The following TENM4 variants were observed in gnomAD, a reference collection of about 807,000 sequenced individuals.
TENM4 encodes teneurin-4.
A neutral mutation model predicts 243.3 loss-of-function variants in TENM4; 82 were observed. The ratio of observed to expected loss-of-function variants is 0.34; its 90% CI spans 0.28 to 0.40. The LOEUF is 0.40. TENM4 is among the 10% of genes least tolerant of loss of function. The pLI, the probability that TENM4 is intolerant of heterozygous loss-of-function variation, is 1.00. For missense variants in TENM4, 3,138 were observed against 3,673.3 expected, an observed-to-expected ratio of 0.85 and a Z score of 3.77; for synonymous variants, 1,412 against 1,456.3, an observed-to-expected ratio of 0.97 and a Z score of 0.69.
intron 4 of TENM4, among the ~76,000 whole-genome samples, chr11:79,118,652 C>T (rs1298841786): frequency 2.0e-5 from 3 of 152,182 alleles, no homozygotes; most frequent in African/African-American, 7.2e-5. Flanking sequence ...AATCATACAT[C>T]ATATGTCTTG....
intron 32 of TENM4, among the ~76,000 whole-genome samples, chr11:78,665,938 G>A (rs1286735402): frequency 1.3e-5 from 2 of 152,206 alleles, no homozygotes; most frequent in African/African-American, 4.8e-5. Context: ...AAGCCAATCA[G>A]TGCATTCTTT....
chr11:79,061,731 C>T (rs1860092521), intron 6 of TENM4, among the ~76,000 whole-genome samples: 1 of 152,176 alleles, frequency 6.6e-6, no homozygotes, highest in Non-Finnish European at 1.5e-5. Context: ...AGGGAACTCA[C>T]TGTAACTAGG....
chr11:79,009,925 G>A lies in TENM4; in HGVS notation c.493+54813C>T, dbSNP rs140307610. On this transcript the variant is annotated intron_variant, in intron 6 of 33. Coordinates refer to ENST00000278550, the MANE Select transcript of TENM4 (RefSeq NM_001098816.3). ...TGGGAGGTAATTCAGTCATGGGGGT[G>A]GGTTTTTCTCATGCTGTTCTTGTGA... is the stretch of plus-strand genomic sequence containing the variant. Among the ~76,000 whole-genome samples, 241 of 152,240 alleles carry A rather than the reference G, an allele frequency of 1.6e-3. 3 individuals are homozygous for A. The highest frequency in any genetic ancestry group is 1.7e-3 in the Non-Finnish European group (116 of 68,020).
At chr11:78,862,063 A>G (rs1159287587) in intron 10 of TENM4, among the ~76,000 whole-genome samples, 3 of 152,224 alleles carry the variant, frequency 2.0e-5, no homozygotes, top group Non-Finnish European at 2.9e-5. Context: ...CCCACTCAGG[A>G]ATAGCAAACC....
At chr11:78,850,075 G>C (rs1858499411) in intron 12 of TENM4, among the ~76,000 whole-genome samples, 1 of 152,020 alleles carries the variant, frequency 6.6e-6, no homozygotes, top group South Asian at 2.1e-4. Context: ...GTGTGTGTGT[G>C]TGTGTGTGTG....
intron 1 of TENM4, among the ~76,000 whole-genome samples, chr11:79,315,026 T>C (rs546288490): frequency 5.9e-4 from 90 of 152,360 alleles, no homozygotes; most frequent in African/African-American, 2.1e-3. Context: ...TAAAGAGTTA[T>C]GCACAGAGGG....
At chr11:78,915,610 T>C (rs1489068467) in intron 6 of TENM4, among the ~76,000 whole-genome samples, 1 of 152,022 alleles carries the variant, frequency 6.6e-6, no homozygotes, top group Non-Finnish European at 1.5e-5. Flanking sequence ...GGGCATAAAC[T>C]TTTTATTTTT....
intron 6 of TENM4, among the ~76,000 whole-genome samples, chr11:79,008,383 T>C (rs185455910): frequency 1.3e-5 from 2 of 152,162 alleles, no homozygotes; most frequent in African/African-American, 4.8e-5. Context: ...TTTAGAAACA[T>C]GTATTTTAAA....
intron 1 of TENM4, among the ~76,000 whole-genome samples, chr11:79,367,979 A>G (rs1857708926): frequency 6.6e-6 from 1 of 152,230 alleles, no homozygotes; most frequent in South Asian, 2.1e-4. Context: ...TGACTAAAGC[A>G]GGTGGAGGCT....
chr11:78,863,980 A>G (rs1201457204), intron 9 of TENM4, among the ~76,000 whole-genome samples: 2 of 152,208 alleles, frequency 1.3e-5, no homozygotes, highest in Non-Finnish European at 1.5e-5. Flanking sequence ...CCACACAACA[A>G]AATTGGATGC....
intron 3 of TENM4, among the ~76,000 whole-genome samples, chr11:79,170,845 G>C (rs1398903712): frequency 6.6e-6 from 1 of 152,168 alleles, no homozygotes; most frequent in African/African-American, 2.4e-5. Flanking sequence ...GTAGGAGCCG[G>C]AGAGACCTTT....
intron 26 of TENM4, 149 bp downstream of exon 26, chr11:78,712,333 G>T: frequency 1.5e-6 from 1 of 665,912 alleles, no homozygotes; most frequent in Non-Finnish European, 2.6e-6. Context: ...GAGTATTTCT[G>T]GCAGGTGGAA....
intron 4 of TENM4, among the ~76,000 whole-genome samples, chr11:79,103,730 T>C (rs1861291874): frequency 6.6e-6 from 1 of 152,186 alleles, no homozygotes; most frequent in Non-Finnish European, 1.5e-5. Flanking sequence ...TCAAGGAAAG[T>C]GAGGCAAACT....
intron 1 of TENM4, among the ~76,000 whole-genome samples, chr11:79,374,120 T>C (rs189151713): frequency 4.2e-4 from 64 of 152,282 alleles, no homozygotes; most frequent in African/African-American, 1.5e-3. Context: ...CGAAGGGTCA[T>C]CTGATGATTT....
intron 4 of TENM4, among the ~76,000 whole-genome samples, chr11:79,120,475 A>G (rs542151884): frequency 1.6e-3 from 243 of 152,340 alleles, no homozygotes; most frequent in Non-Finnish European, 3.0e-3. Flanking sequence ...AACAACAATA[A>G]TCAAAATCAG....
At chr11:79,401,283 G>T (rs114896790) in intron 1 of TENM4, among the ~76,000 whole-genome samples, 5 of 152,244 alleles carry the variant, frequency 3.3e-5, no homozygotes, top group African/African-American at 1.2e-4. Context: ...GAATAACCAT[G>T]ATTCCTGCCC....
intron 6 of TENM4, among the ~76,000 whole-genome samples, chr11:78,904,812 T>C (rs1856027131): frequency 6.6e-6 from 1 of 152,200 alleles, no homozygotes; most frequent in South Asian, 2.1e-4. Flanking sequence ...TAGGTGTTAT[T>C]GGCAAAGAAA....
chr11:78,893,222 C>T (rs1275123966), intron 7 of TENM4, among the ~76,000 whole-genome samples: 1 of 152,212 alleles, frequency 6.6e-6, no homozygotes, highest in Non-Finnish European at 1.5e-5. Context: ...GGCTCTATTT[C>T]CATCACCAGG....
intron 6 of TENM4, among the ~76,000 whole-genome samples, chr11:78,923,881 G>A (rs1286717694): frequency 2.7e-5 from 4 of 147,608 alleles, no homozygotes; most frequent in South Asian, 2.2e-4. Flanking sequence ...TGAGACAAGA[G>A]TCTTACTCTG....
Sources: allele counts gnomAD v4.1 joint callset (sites outside exome capture counted in the v4.1 genomes callset), GRCh38; gene constraint gnomAD v4.1.1; transcripts MANE v1.5; gene names NCBI Gene and HGNC (gene_info 2026-07-23, HGNC 2026-07-21).